ME3: variants seen among roughly 807,000 people sequenced by gnomAD.
ME3 encodes malic enzyme 3.
ME3 carries 48 observed loss-of-function variants against 68.9 expected under a neutral mutation model. The ratio of observed to expected loss-of-function variants is 0.70; its 90% CI spans 0.55 to 0.89. The LOEUF (loss-of-function observed/expected upper bound fraction) is 0.89, where lower values mean the gene tolerates loss of function less well. Ranked by LOEUF, ME3 falls within the 40% of genes least tolerant of loss-of-function variation. The pLI is 0.00. For synonymous variants in ME3, 320 were observed against 318.8 expected (o/e 1.00, Z -0.04); for missense variants, 675 against 797.4 (o/e 0.85, Z 1.85).
intron 8 of ME3, among the ~76,000 whole-genome samples, chr11:86,459,474 C>G (rs889505509): frequency 6.6e-6 from 1 of 152,154 alleles, no homozygotes; most frequent in Non-Finnish European, 1.5e-5. Context: ...CTGTCCCTAC[C>G]TATACATCAC....
chr11:86,588,307 A>C (rs1409548228), intron 2 of ME3, among the ~76,000 whole-genome samples: 2 of 152,236 alleles, frequency 1.3e-5, no homozygotes, highest in Non-Finnish European at 2.9e-5. Flanking sequence ...TCTCTCAGTC[A>C]AAGTAATACA....
At chr11:86,494,530 G>A (rs1952194481) in intron 6 of ME3, among the ~76,000 whole-genome samples, 1 of 152,152 alleles carries the variant, frequency 6.6e-6, no homozygotes, top group African/African-American at 2.4e-5. Context: ...GGGCACATAG[G>A]AGGGCAGATC....
intron 4 of ME3, among the ~76,000 whole-genome samples, chr11:86,512,231 T>C (rs906636746): frequency 2.0e-5 from 3 of 152,262 alleles, no homozygotes; most frequent in Non-Finnish European, 4.4e-5. Context: ...CCTCACTCTT[T>C]AGTTAATTCA....
At chr11:86,480,434 G>T (rs1318011981) in intron 7 of ME3, among the ~76,000 whole-genome samples, 1 of 152,148 alleles carries the variant, frequency 6.6e-6, no homozygotes, top group Non-Finnish European at 1.5e-5. Context: ...ATGATTTTGT[G>T]TACTTTCACA....
chr11:86,611,746 G>A (rs1044192856), intron 2 of ME3, among the ~76,000 whole-genome samples: 2 of 151,968 alleles, frequency 1.3e-5, no homozygotes, highest in East Asian at 1.9e-4. Context: ...GGGTCTAGAT[G>A]TTTGATCTTA....
Position 86,627,599 on chromosome 11 carries a change from C to A in ME3, c.183+44163G>T, listed in dbSNP as rs609855. Among the ~76,000 whole-genome samples, 1,161 of 152,298 alleles carry A rather than the reference C, an allele frequency of 7.6e-3. 6 individuals are homozygous for A. The highest frequency in any genetic ancestry group is 0.014 in the South Asian group (67 of 4,820). On this transcript the variant is annotated intron_variant, in intron 2 of 14. Transcript: ENST00000543262. ...AGATTCTGAGAATCATGTACACAAC[C>A]AATTGGCAAGCACAGTCTTGGCAGC... is the stretch of plus-strand genomic sequence containing the variant.
chr11:86,497,747 G>C (rs1341132277), intron 6 of ME3, among the ~76,000 whole-genome samples: 1 of 152,176 alleles, frequency 6.6e-6, no homozygotes, highest in African/African-American at 2.4e-5. Context: ...AGGGGGCCCA[G>C]GAGTGGGAGA....
intron 11 of ME3, among the ~76,000 whole-genome samples, chr11:86,447,941 C>T (rs1325656470): frequency 6.6e-6 from 1 of 151,476 alleles, no homozygotes; most frequent in African/African-American, 2.4e-5. Flanking sequence ...TATATTTCTG[C>T]ATCACTGAGC....
chr11:86,623,474 C>A (rs1302456040), intron 2 of ME3, among the ~76,000 whole-genome samples: 2 of 152,028 alleles, frequency 1.3e-5, no homozygotes, highest in Non-Finnish European at 2.9e-5. Flanking sequence ...TCTCCTCTTA[C>A]ATATCTGTAT....
chr11:86,537,666 T>C (rs973375947), intron 4 of ME3, among the ~76,000 whole-genome samples: 3 of 152,262 alleles, frequency 2.0e-5, no homozygotes, highest in African/African-American at 7.2e-5. Context: ...CATGTCAGGC[T>C]TGCTGAAGAG....
At chr11:86,641,394 A>C (rs2135382514) in intron 2 of ME3, among the ~76,000 whole-genome samples, 1 of 152,338 alleles carries the variant, frequency 6.6e-6, no homozygotes, top group East Asian at 1.9e-4. Context: ...AAGCCAATGA[A>C]ATAAATGCTT....
intron 8 of ME3, among the ~76,000 whole-genome samples, chr11:86,460,310 C>T (rs1018131762): frequency 2.0e-5 from 3 of 152,162 alleles, no homozygotes; most frequent in African/African-American, 7.2e-5. Context: ...AGCTCTCTTC[C>T]CTTCAAGTGC....
chr11:86,516,259 G>T (rs894226167), intron 4 of ME3, among the ~76,000 whole-genome samples: 11 of 152,160 alleles, frequency 7.2e-5, no homozygotes, highest in African/African-American at 2.4e-4. Context: ...GATATGGCAT[G>T]CTACCTACCT....
chr11:86,554,802 C>T (rs902237544), intron 4 of ME3, among the ~76,000 whole-genome samples: 4 of 152,182 alleles, frequency 2.6e-5, no homozygotes, highest in Non-Finnish European at 5.9e-5. Flanking sequence ...CAATTACTTG[C>T]CAAGTATTGG....
In ME3 at chr11:86,659,811, A is replaced by G. The variant is rs1490121701; in HGVS notation, c.183+11951T>C. ...ATCTCATGAGACTGGGAGCGTTATA[A>G]TGGTGACAGGCAGGAAGGTAGATAG... is the stretch of plus-strand genomic sequence containing the variant. On this transcript the variant is annotated intron_variant, in intron 2 of 14. Transcript: ENST00000543262. 2.0e-5 allele frequency among the ~76,000 whole-genome samples: 3 copies of G among 152,198 alleles called. No homozygotes were observed. The East Asian group carries it at 5.8e-4, about 29-fold the overall frequency.
chr11:86,478,245 C>T (rs1230051440), intron 7 of ME3, among the ~76,000 whole-genome samples: 8 of 150,484 alleles, frequency 5.3e-5, no homozygotes, highest in Non-Finnish European at 1.2e-4. Context: ...AGGCCATCCA[C>T]GCCAGTTCTT....
At chr11:86,467,419 C>A (rs1183054633) in intron 7 of ME3, among the ~76,000 whole-genome samples, 1 of 152,040 alleles carries the variant, frequency 6.6e-6, no homozygotes, top group African/African-American at 2.4e-5. Flanking sequence ...AATAAAACCT[C>A]CCATGCACAA....
intron 2 of ME3, among the ~76,000 whole-genome samples, chr11:86,662,628 ACAG>A (rs1946355349): frequency 1.3e-5 from 2 of 152,164 alleles, no homozygotes; most frequent in African/African-American, 4.8e-5. Flanking sequence ...AAAATTTAAA[ACAG>A]GAATAATATA....
At chr11:86,524,805 A>G (rs796096276) in intron 4 of ME3, among the ~76,000 whole-genome samples, 3 of 152,208 alleles carry the variant, frequency 2.0e-5, no homozygotes, top group Non-Finnish European at 4.4e-5. Context: ...AGAGACAGCT[A>G]AGTGCCTGGA....
Sources: allele counts gnomAD v4.1 joint callset (sites outside exome capture counted in the v4.1 genomes callset), GRCh38; gene constraint gnomAD v4.1.1; transcripts MANE v1.5; gene names NCBI Gene and HGNC (gene_info 2026-07-23, HGNC 2026-07-21).